FCN3: variants seen among roughly 807,000 people sequenced by gnomAD.
The protein encoded by FCN3 is ficolin 3.
A neutral mutation model predicts 31.5 loss-of-function variants in FCN3; 28 were observed. The observed-to-expected ratio is 0.89, with a 90% CI of 0.66 to 1.22. The LOEUF is 1.22. FCN3 is among the 50% of genes most tolerant of loss of function. The pLI, the probability that FCN3 is intolerant of heterozygous loss-of-function variation, is 0.00. For synonymous variants in FCN3, 124 were observed against 147.4 expected, an observed-to-expected ratio of 0.84 and a Z score of 1.15; for missense variants, 351 against 386.8, an observed-to-expected ratio of 0.91 and a Z score of 0.78.
chr1:27,372,014 G>T (rs2016156504), intron 5 of FCN3, among the ~76,000 whole-genome samples: 1 of 152,014 alleles, frequency 6.6e-6, no homozygotes, highest in South Asian at 2.1e-4. Flanking sequence ...ACCCACCTCG[G>T]CCTCCCAAAG....
At chr1:27,371,773 T>A (rs888924290) in intron 5 of FCN3, among the ~76,000 whole-genome samples, 1 of 152,066 alleles carries the variant, frequency 6.6e-6, no homozygotes, top group African/African-American at 2.4e-5. Flanking sequence ...TTATTTATTT[T>A]TTTGAGATAG....
intron 5 of FCN3, among the ~76,000 whole-genome samples, chr1:27,371,479 G>A (rs998510611): frequency 6.6e-6 from 1 of 152,106 alleles, no homozygotes; most frequent in African/African-American, 2.4e-5. Flanking sequence ...AGGAGGCTGA[G>A]GCACAAGAAC....
Position 27,374,079 on chromosome 1 carries a change from T to A in FCN3, c.188-70A>T, listed in dbSNP as rs1162213026. ...CAGGACCAAAAAGAAACAAGAGACT[T>A]GGAGCCAGAGGTTCAAATCCCAGTT... On this transcript the variant is annotated intron_variant, in intron 2 of 7. Transcript: ENST00000270879. The A allele has an allele frequency of 1.5e-5, 21 of 1,409,220 alleles. No homozygotes were observed. The Admixed American group carries it at 3.8e-4, about 26-fold the overall frequency. 87.3% of individuals were successfully genotyped at this position (1,409,220 alleles called of 1,614,324 possible). A position where few individuals can be genotyped will look rare whatever the true frequency, so the allele number is the denominator to read the frequency against.
chr1:27,373,697 C>T (rs2016194220), intron 3 of FCN3, 177 bp from the exon 4 acceptor site: 2 of 706,086 alleles, frequency 2.8e-6, no homozygotes, highest in East Asian at 2.7e-5. Flanking sequence ...CTCTCCACTC[C>T]TCCCAGCCTT....
chr1:27,371,951 G>C (rs1001720221), intron 5 of FCN3, among the ~76,000 whole-genome samples: 10 of 152,078 alleles, frequency 6.6e-5, no homozygotes, highest in African/African-American at 2.4e-4. Flanking sequence ...AGTAGAGATG[G>C]GGTTTTGCCA....
At chr1:27,374,219 T>TG in intron 2 of FCN3, 137 bp downstream of exon 2, 1 of 724,834 alleles carries the variant, frequency 1.4e-6, no homozygotes, top group South Asian at 1.8e-5. Context: ...GATCTTAGGA[T>TG]GCCGGGTGCC....
chr1:27,369,393 A>G lies in FCN3; in HGVS notation c.743T>C (p.Ile248Thr). The part of the protein sequence containing the change: ...HDSSNSNCAV[I>T]VHGAWWYASC... ...TGCATACCACCAGGCACCGTGGACA[A>G]TCACTGCACAGTTGCTGTTGCTTGA... Residue 248 changes from isoleucine to threonine, a missense_variant, in exon 8 of 8, where the codon ATT becomes ACT. Coordinates refer to ENST00000270879, the MANE Select transcript of FCN3 (RefSeq NM_003665.4). The G allele has an allele frequency of 6.2e-7, 1 of 1,614,216 alleles. No individual in the cohort carries two copies. The highest frequency in any genetic ancestry group is 1.1e-5 in the South Asian group (1 of 91,080).
At chr1:27,371,022 G>T (rs751117858) in intron 5 of FCN3, 50 bp from the exon 6 acceptor site, 2 of 1,593,274 alleles carry the variant, frequency 1.3e-6, no homozygotes, top group Admixed American at 3.4e-5. Flanking sequence ...GGCACTGGCA[G>T]CTGAGGGTGC....
chr1:27,374,134 C>G (rs573644095), intron 2 of FCN3, 125 bp from the exon 3 acceptor site: 1 of 887,360 alleles, frequency 1.1e-6, no homozygotes, highest in African/African-American at 1.7e-5. Context: ...TGATTGCGGG[C>G]AAATATCTTA....
Position 27,373,145 on chromosome 1 carries a change from G to GCC in FCN3, c.382_383dup (p.Gly129AlafsTer54). 2 of 1,613,766 alleles carry GCC rather than the reference G, an allele frequency of 1.2e-6. No individual in the cohort carries two copies. The highest frequency in any genetic ancestry group is 1.7e-6 in the Non-Finnish European group (2 of 1,179,886). On this transcript the variant is annotated frameshift_variant, in exon 5 of 8. Transcript: ENST00000270879. LOFTEE classifies it high-confidence loss of function. ...TTTCTCAGACACTCACCAGCCAGCC[G>GCC]CCCCCCTCGGTGTCCATGTCACAAA... is the stretch of plus-strand genomic sequence containing the variant.
At chr1:27,374,688 TGAG>T (rs749956317) in intron 1 of FCN3, 37 bp downstream of exon 1, 80 of 1,218,678 alleles carry the variant, frequency 6.6e-5, no homozygotes, top group Non-Finnish European at 3.9e-5. Context: ...AGCGAGGGAA[TGAG>T]GAGTGGGTTG....
intron 3 of FCN3, 122 bp downstream of exon 3, chr1:27,373,843 C>CT: frequency 2.2e-6 from 2 of 891,090 alleles, no homozygotes; most frequent in Admixed American, 2.1e-5. Flanking sequence ...TCCCACTCCT[C>CT]CCAGCCATCC....
At position 27,373,992 on chromosome 1, in the gene FCN3, C is replaced by T. The variant is rs779528863; in HGVS notation, c.205G>A (p.Gly69Ser). The T allele has an allele frequency of 1.2e-6, 2 of 1,613,680 alleles. No homozygotes were observed. The highest frequency in any genetic ancestry group is 1.7e-6 in the Non-Finnish European group (2 of 1,179,984). ...GGCTCACCCTTGGGGCCCATCTTGC[C>T]TGGTGGTCCAGGTGGCCCTGAAATC... Reference protein sequence around the residue: ...PGPQGPPGPPGKMGPKGEPGD... With the variant: ...PGPQGPPGPPSKMGPKGEPGD... Residue 69 changes from glycine (G) to serine (S), a missense_variant, in exon 3 of 8, where the codon GGC (glycine) becomes AGC (serine). By Grantham distance (56) the Gly-to-Ser change is moderately conservative. Transcript: ENST00000270879.
In FCN3 at chr1:27,373,225, T is replaced by C. The variant is rs772977741; in HGVS notation, c.304A>G (p.Thr102Ala). 1.4e-5 allele frequency: 23 copies of C among 1,614,068 alleles called. No homozygotes were observed. The East Asian group carries it at 4.2e-4, about 30-fold the overall frequency. ...CACAGATGGTACCAGCCGCTCAAGG[T>C]GGCGCCCTGGCTCAACAGCTCCCGG... is the stretch of plus-strand genomic sequence containing the variant. Reference protein sequence around the residue: ...NCRELLSQGATLSGWYHLCLP... With the variant: ...NCRELLSQGAALSGWYHLCLP... Residue 102 changes from threonine to alanine, a missense_variant, in exon 5 of 8, where the codon ACC (threonine) becomes GCC (alanine). By Grantham distance (58) the Thr-to-Ala change is moderately conservative. Coordinates refer to ENST00000270879, the MANE Select transcript of FCN3 (RefSeq NM_003665.4).
intron 5 of FCN3, among the ~76,000 whole-genome samples, chr1:27,372,773 A>ATATTT (rs71584882): frequency 0.011 from 1,015 of 96,392 alleles, 7 homozygotes; most frequent in Admixed American, 0.019. Context: ...TCCCTACCCT[A>ATATTT]TTTTTTTTTT....
Position 27,373,262 on chromosome 1 carries a change from G to A in FCN3, c.267C>T (p.Gly89=), listed in dbSNP as rs142397200. 296 of 1,614,078 alleles carry A rather than the reference G, an allele frequency of 1.8e-4. 1 individual carries two copies. The African/African-American group carries it at 3.4e-3, about 19-fold the overall frequency. Residue 89 remains glycine, a splice_region_variant and synonymous_variant, in exon 5 of 8, where the codon GGC becomes GGT. Coordinates refer to ENST00000270879, the MANE Select transcript of FCN3 (RefSeq NM_003665.4). Reference sequence around the variant, plus strand: ...TCAACAGCTCCCGGCAGTTTCTGGGGCCTGGGAAAGGGGAGATGGACTGGG... The same window carrying A: ...TCAACAGCTCCCGGCAGTTTCTGGGACCTGGGAAAGGGGAGATGGACTGGG... The part of the protein sequence containing the change: ...DPVNLLRCQE[G]PRNCRELLSQ...
chr1:27,374,031 T>A lies in FCN3; in HGVS notation c.188-22A>T, dbSNP rs957983915. On this transcript the variant is annotated intron_variant, in intron 2 of 7. Coordinates refer to ENST00000270879, the MANE Select transcript of FCN3 (RefSeq NM_003665.4). Reference sequence around the variant, plus strand: ...GGCCCTGAAATCACAAAGGCAGAGATTTCCTGAGTCCCACCCCATGCCCAG... The same window carrying A: ...GGCCCTGAAATCACAAAGGCAGAGAATTCCTGAGTCCCACCCCATGCCCAG... 7.4e-6 allele frequency: 12 copies of A among 1,611,618 alleles called. No individual in the cohort carries two copies. In the Admixed American group the frequency reaches 2.0e-4, roughly 27 times the overall value.
chr1:27,373,373 C>T, intron 4 of FCN3, 110 bp from the exon 5 acceptor site: 1 of 1,592,022 alleles, frequency 6.3e-7, no homozygotes, highest in Non-Finnish European at 8.6e-7. Context: ...TCCTTCAGGT[C>T]CCTGAAGAAG....
At chr1:27,371,600 C>A (rs1038657200) in intron 5 of FCN3, among the ~76,000 whole-genome samples, 3 of 151,962 alleles carry the variant, frequency 2.0e-5, no homozygotes, top group Non-Finnish European at 2.9e-5. Flanking sequence ...AACAAAAAAA[C>A]CAAGATATTT....
Sources: gnomAD v4.1 joint callset for allele counts (sites outside exome capture counted in the v4.1 genomes callset) on GRCh38, gnomAD v4.1.1 for gene constraint, MANE v1.5 for transcripts, NCBI Gene and HGNC (gene_info 2026-07-23, HGNC 2026-07-21) for gene names.